Variants in RCAN2 observed in about 807,000 individuals in gnomAD.
The protein encoded by RCAN2 is calcipressin-2.
A neutral mutation model predicts 23.6 loss-of-function variants in RCAN2; 9 were observed. The observed-to-expected ratio is 0.38, with a 90% confidence interval of 0.23 to 0.67. The LOEUF (loss-of-function observed/expected upper bound fraction) is 0.67. Among genes scored for constraint, RCAN2 ranks in the 30% least tolerant of loss-of-function variants. RCAN2 has a pLI of 0.51. For synonymous variants in RCAN2, 109 were observed against 115.7 expected (o/e 0.94, Z 0.37); for missense variants, 273 against 302.3 (o/e 0.90, Z 0.72).
At chr6:46,374,960 G>A (rs567766338) in intron 2 of RCAN2, among the ~76,000 whole-genome samples, 2 of 152,290 alleles carry the variant, frequency 1.3e-5, no homozygotes, top group East Asian at 3.9e-4. Context: ...AAGCTGGAGT[G>A]CAGTGACATG....
At chr6:46,436,019 G>A (rs1767353150) in intron 2 of RCAN2, among the ~76,000 whole-genome samples, 1 of 152,222 alleles carries the variant, frequency 6.6e-6, no homozygotes, top group African/African-American at 2.4e-5. Flanking sequence ...GATAGAAAAT[G>A]CACTTTCTTC....
intron 2 of RCAN2, among the ~76,000 whole-genome samples, chr6:46,354,632 A>G (rs1005339855): frequency 6.6e-6 from 1 of 152,256 alleles, no homozygotes; most frequent in Non-Finnish European, 1.5e-5. Flanking sequence ...GTAGGATGCC[A>G]GAATCAGTCT....
intron 2 of RCAN2, among the ~76,000 whole-genome samples, chr6:46,380,364 G>A (rs1765589409): frequency 6.6e-6 from 1 of 152,186 alleles, no homozygotes; most frequent in Admixed American, 6.6e-5. Flanking sequence ...AAAAAGTTCA[G>A]TTTCCAGAGA....
At chr6:46,402,295 G>A (rs901622035) in intron 2 of RCAN2, among the ~76,000 whole-genome samples, 2 of 151,998 alleles carry the variant, frequency 1.3e-5, no homozygotes, top group Non-Finnish European at 2.9e-5. Context: ...TGTGTGTGTT[G>A]TGTGTGTACA....
intron 2 of RCAN2, among the ~76,000 whole-genome samples, chr6:46,364,906 G>T (rs897206628): frequency 3.9e-5 from 6 of 152,104 alleles, no homozygotes; most frequent in African/African-American, 1.4e-4. Flanking sequence ...CTTTGAACCA[G>T]CCAGGTACTC....
intron 1 of RCAN2, among the ~76,000 whole-genome samples, chr6:46,485,207 G>T (rs57583542): frequency 0.13 from 20,264 of 152,146 alleles, 1,973 homozygotes; most frequent in African/African-American, 0.24. Flanking sequence ...AACAATAGAG[G>T]AAAGCGTAAA....
chr6:46,239,931 G>T (rs573494365), intron 4 of RCAN2, among the ~76,000 whole-genome samples: 2 of 152,306 alleles, frequency 1.3e-5, no homozygotes, highest in Admixed American at 1.3e-4. Context: ...TTGAGAAAAA[G>T]AAGCAGAATC....
In RCAN2 at chr6:46,246,991, C is replaced by T. The variant is rs186889013; in HGVS notation, c.400-72G>A. ...GATGTGTCATGTTGGCACATTAAAA[C>T]ATGGGTTTAGTTTCAGCCTGCGACA... On this transcript the variant is annotated intron_variant, in intron 3 of 4. Coordinates refer to ENST00000371374, the MANE Select transcript of RCAN2 (RefSeq NM_001251974.2). The T allele has an allele frequency of 2.0e-4, 260 of 1,324,758 alleles. No homozygotes were observed. In the Middle Eastern group the frequency reaches 2.2e-3, roughly 11 times the overall value. The allele number at this position is 1,324,758 out of a possible 1,614,324, so 82.1% of individuals were successfully genotyped here.
At chr6:46,476,725 A>G (rs1345511861) in intron 1 of RCAN2, among the ~76,000 whole-genome samples, 4 of 152,168 alleles carry the variant, frequency 2.6e-5, no homozygotes. Flanking sequence ...TAGGTTTTTT[A>G]AACAGCTTAC....
chr6:46,237,307 C>T (rs954713982), intron 4 of RCAN2, among the ~76,000 whole-genome samples: 16 of 152,256 alleles, frequency 1.1e-4, no homozygotes, highest in African/African-American at 2.9e-4. Context: ...AAAGACAACA[C>T]AATAAATTAT....
chr6:46,278,240 A>G (rs960126494), intron 2 of RCAN2, among the ~76,000 whole-genome samples: 1 of 152,086 alleles, frequency 6.6e-6, no homozygotes, highest in Admixed American at 6.6e-5. Flanking sequence ...TTAACTTTGT[A>G]TTTTGATATA....
At chr6:46,381,484 G>A (rs912661582) in intron 2 of RCAN2, among the ~76,000 whole-genome samples, 3 of 152,092 alleles carry the variant, frequency 2.0e-5, no homozygotes, top group Non-Finnish European at 2.9e-5. Flanking sequence ...GAGCTATATC[G>A]CCTTTTACAA....
At chr6:46,432,721 T>A (rs1186595368) in intron 2 of RCAN2, among the ~76,000 whole-genome samples, 1 of 152,060 alleles carries the variant, frequency 6.6e-6, no homozygotes, top group African/African-American at 2.4e-5. Flanking sequence ...AACTCAAAAA[T>A]CCCTATTTGT....
At chr6:46,257,089 T>C (rs1319627181) in intron 2 of RCAN2, among the ~76,000 whole-genome samples, 1 of 152,232 alleles carries the variant, frequency 6.6e-6, no homozygotes, top group Non-Finnish European at 1.5e-5. Context: ...CAAGCAGCGA[T>C]TGGTCTGTTA....
intron 2 of RCAN2, among the ~76,000 whole-genome samples, chr6:46,427,613 G>A (rs991959776): frequency 2.0e-5 from 3 of 152,158 alleles, no homozygotes; most frequent in Non-Finnish European, 2.9e-5. Flanking sequence ...ATACCTATCA[G>A]ATTAATACAC....
chr6:46,252,995 T>G (rs1766786542), intron 2 of RCAN2, among the ~76,000 whole-genome samples: 1 of 152,240 alleles, frequency 6.6e-6, no homozygotes, highest in African/African-American at 2.4e-5. Flanking sequence ...AAGATCCATT[T>G]ATCTATTTTT....
At chr6:46,329,857 C>T (rs1763907650) in intron 2 of RCAN2, among the ~76,000 whole-genome samples, 1 of 152,166 alleles carries the variant, frequency 6.6e-6, no homozygotes, top group African/African-American at 2.4e-5. Context: ...TCAGTTCAGG[C>T]AATTCTCTAA....
At chr6:46,401,388 T>C (rs1273625264) in intron 2 of RCAN2, among the ~76,000 whole-genome samples, 1 of 152,160 alleles carries the variant, frequency 6.6e-6, no homozygotes, top group Non-Finnish European at 1.5e-5. Context: ...AGTTTGAACA[T>C]GGGGGAGACA....
chr6:46,447,979 G>A (rs1009929329), intron 2 of RCAN2, among the ~76,000 whole-genome samples: 1 of 151,358 alleles, frequency 6.6e-6, no homozygotes, highest in Non-Finnish European at 1.5e-5. Flanking sequence ...TAGAATGAAG[G>A]AAATAATAAA....
Sources: gnomAD v4.1 joint callset for allele counts (sites outside exome capture counted in the v4.1 genomes callset) on GRCh38, gnomAD v4.1.1 for gene constraint, MANE v1.5 for transcripts, NCBI Gene and HGNC (gene_info 2026-07-23, HGNC 2026-07-21) for gene names.